Variants in SPAG16 observed in about 807,000 individuals in gnomAD.
The protein encoded by SPAG16 is sperm associated antigen 16.
In SPAG16, 86 loss-of-function variants were observed where a neutral mutation model predicts 80.4. That is an observed-to-expected ratio of 1.07 (90% CI 0.90 to 1.28). The LOEUF is 1.28. Ranked by LOEUF, SPAG16 falls within the 50% of genes most tolerant of loss-of-function variation. The pLI is 0.00. For missense variants in SPAG16, 870 were observed against 765.3 expected, an observed-to-expected ratio of 1.14 and a Z score of -1.61; for synonymous variants, 294 against 265.9, an observed-to-expected ratio of 1.11 and a Z score of -1.03.
chr2:214,014,217 C>T (rs1392361479), intron 13 of SPAG16, 140 bp downstream of exon 13: 2 of 1,069,000 alleles, frequency 1.9e-6, no homozygotes, highest in Non-Finnish European at 2.6e-6. Context: ...TTCATAATTA[C>T]AAGATCCTTT....
chr2:213,871,439 A>G (rs1325494638), intron 11 of SPAG16, among the ~76,000 whole-genome samples: 1 of 152,066 alleles, frequency 6.6e-6, no homozygotes, highest in African/African-American at 2.4e-5. Context: ...AACTTTCTCC[A>G]GTCCTAAATA....
At chr2:214,116,720 C>G (rs994035877) in intron 14 of SPAG16, among the ~76,000 whole-genome samples, 2 of 152,192 alleles carry the variant, frequency 1.3e-5, no homozygotes, top group Non-Finnish European at 2.9e-5. Context: ...AAGTCTTCCC[C>G]AGGTCCATCT....
chr2:213,639,832 A>G (rs1362894159), intron 10 of SPAG16, among the ~76,000 whole-genome samples: 1 of 152,190 alleles, frequency 6.6e-6, no homozygotes, highest in Non-Finnish European at 1.5e-5. Flanking sequence ...CCCTCAAATA[A>G]GTTTTCCAAA....
At chr2:213,333,602 A>G (rs922942936) in intron 5 of SPAG16, among the ~76,000 whole-genome samples, 11 of 152,314 alleles carry the variant, frequency 7.2e-5, no homozygotes, top group Admixed American at 6.5e-4. Context: ...ACTTCAAATT[A>G]TACTACAGAA....
At chr2:213,407,790 G>T (rs1395185633) in intron 9 of SPAG16, among the ~76,000 whole-genome samples, 1 of 131,268 alleles carries the variant, frequency 7.6e-6, no homozygotes, top group African/African-American at 2.9e-5. Context: ...CAGAGAGGAA[G>T]AGAGACAGGA....
chr2:214,291,153 T>G (rs546738619), intron 15 of SPAG16, among the ~76,000 whole-genome samples: 1 of 152,162 alleles, frequency 6.6e-6, no homozygotes, highest in Non-Finnish European at 1.5e-5. Flanking sequence ...TAAAATTGAT[T>G]TTATGTGACA....
At chr2:213,886,373 C>A (rs905518668) in intron 11 of SPAG16, among the ~76,000 whole-genome samples, 1 of 151,684 alleles carries the variant, frequency 6.6e-6, no homozygotes, top group Non-Finnish European at 1.5e-5. Flanking sequence ...AGAGTGGTGG[C>A]GGGTAGAATG....
chr2:213,850,253 A>C (rs2074834865), intron 10 of SPAG16, among the ~76,000 whole-genome samples: 1 of 152,206 alleles, frequency 6.6e-6, no homozygotes, highest in South Asian at 2.1e-4. Flanking sequence ...GGATTGTCGG[A>C]AAACTAGAAA....
chr2:213,431,251 A>G lies in SPAG16; in HGVS notation c.942+56132A>G, dbSNP rs544243531. Among the ~76,000 whole-genome samples the G allele has an allele frequency of 1.6e-4, 25 of 152,282 alleles. No individual in the cohort carries two copies. The South Asian group carries it at 5.2e-3, about 32-fold the overall frequency. On this transcript the variant is annotated intron_variant, in intron 9 of 15. Transcript: ENST00000331683. The stretch of plus-strand genomic sequence containing the variant: ...GGGAAAAAAAAGAATCTACAAAACA[A>G]CTAGATAACAATTAATATTTTGACA...
intron 11 of SPAG16, among the ~76,000 whole-genome samples, chr2:213,887,764 T>C (rs905422114): frequency 2.0e-5 from 3 of 151,698 alleles, no homozygotes; most frequent in Non-Finnish European, 3.0e-5. Flanking sequence ...GCTGCCAACA[T>C]GTAAAGAAAC....
intron 8 of SPAG16, among the ~76,000 whole-genome samples, chr2:213,368,831 A>C (rs2125158742): frequency 6.6e-6 from 1 of 152,326 alleles, no homozygotes. Flanking sequence ...AAAGAGAATA[A>C]AATACCTAAG....
At chr2:214,027,810 C>A (rs1263796887) in intron 13 of SPAG16, among the ~76,000 whole-genome samples, 1 of 151,852 alleles carries the variant, frequency 6.6e-6, no homozygotes, top group East Asian at 1.9e-4. Context: ...GGATTTTGGA[C>A]AGTCTTTTTC....
chr2:214,397,449 C>T (rs1358660614), intron 15 of SPAG16, among the ~76,000 whole-genome samples: 2 of 152,084 alleles, frequency 1.3e-5, no homozygotes, highest in Non-Finnish European at 2.9e-5. Context: ...TGAGCCCCCG[C>T]GCCCGGCCAT....
intron 15 of SPAG16, among the ~76,000 whole-genome samples, chr2:214,180,086 G>A (rs991395707): frequency 6.6e-6 from 1 of 151,448 alleles, no homozygotes; most frequent in African/African-American, 2.4e-5. Context: ...CCCATTTCAT[G>A]ACAAACTACT....
At chr2:214,007,336 C>T (rs1653626596) in intron 12 of SPAG16, among the ~76,000 whole-genome samples, 1 of 151,706 alleles carries the variant, frequency 6.6e-6, no homozygotes, top group Non-Finnish European at 1.5e-5. Context: ...TGGCTCGTGC[C>T]TGCAATCCCA....
intron 12 of SPAG16, among the ~76,000 whole-genome samples, chr2:213,936,531 G>A (rs2078996277): frequency 6.6e-6 from 1 of 152,178 alleles, no homozygotes; most frequent in Non-Finnish European, 1.5e-5. Flanking sequence ...CAAAGATGTA[G>A]AAGGTTTCAG....
At chr2:214,311,353 G>A (rs1695302324) in intron 15 of SPAG16, among the ~76,000 whole-genome samples, 1 of 152,140 alleles carries the variant, frequency 6.6e-6, no homozygotes, top group African/African-American at 2.4e-5. Flanking sequence ...TACACAAACA[G>A]TGTGGTCCCT....
At chr2:213,939,380 G>A (rs2079111576) in intron 12 of SPAG16, among the ~76,000 whole-genome samples, 2 of 152,178 alleles carry the variant, frequency 1.3e-5, no homozygotes, top group Non-Finnish European at 2.9e-5. Flanking sequence ...CCCTGACTTG[G>A]TCATTGATCA....
intron 11 of SPAG16, among the ~76,000 whole-genome samples, chr2:213,876,081 TAG>T (rs1024213680): frequency 8.6e-5 from 13 of 151,950 alleles, no homozygotes; most frequent in Non-Finnish European, 1.5e-4. Context: ...GTTTCCCCAG[TAG>T]AGAGTTTACT....
Sources: gnomAD v4.1 joint callset for allele counts (sites outside exome capture counted in the v4.1 genomes callset) on GRCh38, gnomAD v4.1.1 for gene constraint, MANE v1.5 for transcripts, NCBI Gene and HGNC (gene_info 2026-07-23, HGNC 2026-07-21) for gene names.